Variants in HS6ST1 observed in about 807,000 individuals in gnomAD.
HS6ST1 encodes the protein heparan-sulfate 6-O-sulfotransferase 1.
Under a neutral mutation model 25.2 loss-of-function variants are expected in HS6ST1, and 3 were observed. The ratio of observed to expected loss-of-function variants is 0.12; its 90% CI spans 0.05 to 0.31. The LOEUF is 0.31. Ranked by LOEUF, HS6ST1 falls within the 10% of genes least tolerant of loss-of-function variation. The probability of loss-of-function intolerance (pLI) is 1.00; values close to 1 mark genes in which losing one functional copy is unlikely to be tolerated. For missense variants in HS6ST1, 310 were observed against 609.6 expected, an observed-to-expected ratio of 0.51 and a Z score of 5.18; for synonymous variants, 204 against 275.1, an observed-to-expected ratio of 0.74 and a Z score of 2.56.
At position 128,268,537 on chromosome 2, in the gene HS6ST1, G is replaced by A; in HGVS notation, c.861C>T (p.Gly287=). ...ACTCGGTCAGGCCGAAGAAGGCCAT[G>A]CCCCGCAGGTTCTTCTTGGCGCTCT... ...LLESAKKNLR[G]MAFFGLTEFQ... The change falls in exon 2 of 2, where the codon GGC becomes GGT. Residue 287 remains glycine, a synonymous_variant. Coordinates refer to ENST00000259241, the MANE Select transcript of HS6ST1 (RefSeq NM_004807.3). 4.4e-6 allele frequency: 7 copies of A among 1,602,014 alleles called. No individual in the cohort carries two copies. The highest frequency in any genetic ancestry group is 5.1e-6 in the Non-Finnish European group (6 of 1,173,786).
Position 128,268,129 on chromosome 2 carries a change from C to T in HS6ST1, c.*33G>A, listed in dbSNP as rs1197010962. ...TCTGTCCTGTTTTATCCCCCACACC[C>T]CCCAAGAGGCCTCCCCGTGGCCACC... On this transcript the variant is annotated 3_prime_UTR_variant, in exon 2 of 2. Coordinates refer to ENST00000259241, the MANE Select transcript of HS6ST1 (RefSeq NM_004807.3). The T allele has an allele frequency of 1.9e-5, 29 of 1,500,784 alleles. No homozygotes were observed. Among genetic ancestry groups the T allele is most frequent in the Non-Finnish European group, 2.6e-5 (28 of 1,096,846 alleles). The allele number at this position is 1,500,784 out of a possible 1,614,324, so 93.0% of individuals were successfully genotyped here. A position where few individuals can be genotyped will look rare whatever the true frequency, so the allele number is the denominator to read the frequency against.
At chr2:128,272,723 T>C (rs1693627857) in intron 1 of HS6ST1, among the ~76,000 whole-genome samples, 1 of 151,970 alleles carries the variant, frequency 6.6e-6, no homozygotes, top group East Asian at 1.9e-4. Context: ...TCGGGTTTTT[T>C]GTGTGTGAGC....
At chr2:128,284,816 A>C (rs761710569) in intron 1 of HS6ST1, among the ~76,000 whole-genome samples, 28 of 152,140 alleles carry the variant, frequency 1.8e-4, no homozygotes, top group Non-Finnish European at 3.2e-4. Context: ...GGGCTGACTG[A>C]GCCCCTGAGA....
chr2:128,307,329 A>G (rs840893), intron 1 of HS6ST1, among the ~76,000 whole-genome samples: 6,625 of 152,232 alleles, frequency 0.044, 480 homozygotes, highest in African/African-American at 0.15. Flanking sequence ...ACAAGCCCCC[A>G]GCTGAGCTCT....
intron 1 of HS6ST1, among the ~76,000 whole-genome samples, chr2:128,279,884 C>G (rs151066001): frequency 6.6e-6 from 1 of 152,180 alleles, no homozygotes; most frequent in Non-Finnish European, 1.5e-5. Context: ...CGTGAGCACC[C>G]GGCCACACTC....
chr2:128,309,475 T>C (rs1176345501), intron 1 of HS6ST1, among the ~76,000 whole-genome samples: 1 of 152,236 alleles, frequency 6.6e-6, no homozygotes. Flanking sequence ...GGACCAGGCC[T>C]GCCCCAGCAG....
At chr2:128,289,300 C>G (rs978332796) in intron 1 of HS6ST1, among the ~76,000 whole-genome samples, 1 of 151,932 alleles carries the variant, frequency 6.6e-6, no homozygotes, top group Admixed American at 6.5e-5. Flanking sequence ...CATTTTATGG[C>G]CCCCCATCAA....
intron 1 of HS6ST1, among the ~76,000 whole-genome samples, chr2:128,316,673 C>T (rs1348891933): frequency 1.3e-5 from 2 of 152,076 alleles, no homozygotes; most frequent in African/African-American, 4.8e-5. Context: ...AACATCACCT[C>T]CCAGGCTGGG....
At chr2:128,312,050 G>T (rs570631328) in intron 1 of HS6ST1, among the ~76,000 whole-genome samples, 2 of 152,364 alleles carry the variant, frequency 1.3e-5, no homozygotes, top group African/African-American at 4.8e-5. Flanking sequence ...AGGCTGCCAG[G>T]TGTCTTCCAG....
chr2:128,271,723 T>G (rs1045928229), intron 1 of HS6ST1, among the ~76,000 whole-genome samples: 1 of 152,170 alleles, frequency 6.6e-6, no homozygotes, highest in African/African-American at 2.4e-5. Context: ...CACTCAAAGC[T>G]GGGGTTGCCA....
chr2:128,273,018 C>T (rs1345118507), intron 1 of HS6ST1, among the ~76,000 whole-genome samples: 1 of 152,236 alleles, frequency 6.6e-6, no homozygotes, highest in East Asian at 1.9e-4. Context: ...CTGTCAGCCT[C>T]ACCTGTCCTT....
At chr2:128,296,316 A>C (rs1694039270) in intron 1 of HS6ST1, among the ~76,000 whole-genome samples, 1 of 152,260 alleles carries the variant, frequency 6.6e-6, no homozygotes, top group South Asian at 2.1e-4. Flanking sequence ...AAAGATGTCT[A>C]CTTTTGCCAC....
chr2:128,273,789 G>A (rs948090057), intron 1 of HS6ST1, among the ~76,000 whole-genome samples: 12 of 152,236 alleles, frequency 7.9e-5, no homozygotes, highest in African/African-American at 2.2e-4. Context: ...GCCAAAAGGC[G>A]GGGTGGAGGT....
At chr2:128,312,066 G>A (rs780330063) in intron 1 of HS6ST1, among the ~76,000 whole-genome samples, 6 of 152,234 alleles carry the variant, frequency 3.9e-5, no homozygotes, top group Non-Finnish European at 2.9e-5. Context: ...TCCAGTAAAC[G>A]CAACGACACA....
chr2:128,307,674 C>T lies in HS6ST1; in HGVS notation c.527+10363G>A, dbSNP rs148933340. The stretch of plus-strand genomic sequence containing the variant: ...TGACCGATAAACACATGGTAAGATG[C>T]TATCTCTCTGCCATGGGGAAACATG... On this transcript the variant is annotated intron_variant, in intron 1 of 1. Transcript: ENST00000259241. Among the ~76,000 whole-genome samples the T allele has an allele frequency of 2.5e-3, 385 of 152,320 alleles. 1 individual carries two copies. The highest frequency in any genetic ancestry group is 8.6e-3 in the African/African-American group (358 of 41,562).
At chr2:128,269,180 C>T (rs902656895) in intron 1 of HS6ST1, among the ~76,000 whole-genome samples, 1 of 152,222 alleles carries the variant, frequency 6.6e-6, no homozygotes, top group African/African-American at 2.4e-5. Context: ...AGAGAAGTCG[C>T]AGAGCCACAG....
At position 128,318,835 on chromosome 2, in the gene HS6ST1, C is replaced by A. The variant is rs1427003322; in HGVS notation, c.-272G>T. ...GCGCTCTCCGCGCCCCCAGCACCAGCCCGCTCCGCTCCACTCCGCGCCGAG... is the reference window on the plus strand; with the variant it reads ...GCGCTCTCCGCGCCCCCAGCACCAGACCGCTCCGCTCCACTCCGCGCCGAG... On this transcript the variant is annotated 5_prime_UTR_variant, in exon 1 of 2. Transcript: ENST00000259241. The surrounding 1 kb of genome is among the most constrained non-coding windows in gnomAD (Gnocchi z 5.7). Among the ~76,000 whole-genome samples the A allele has an allele frequency of 6.8e-6, 1 of 147,896 alleles. No individual in the cohort carries two copies.
chr2:128,291,120 T>C (rs890781596), intron 1 of HS6ST1, among the ~76,000 whole-genome samples: 1 of 152,256 alleles, frequency 6.6e-6, no homozygotes, highest in African/African-American at 2.4e-5. Context: ...AAGGCAATTC[T>C]GCATGTACTG....
At chr2:128,283,631 C>T (rs1444675409) in intron 1 of HS6ST1, among the ~76,000 whole-genome samples, 1 of 152,198 alleles carries the variant, frequency 6.6e-6, no homozygotes, top group East Asian at 1.9e-4. Flanking sequence ...TGTCCTGGTC[C>T]TCGTGAGCAT....
Sources: allele counts gnomAD v4.1 joint callset (sites outside exome capture counted in the v4.1 genomes callset), GRCh38; gene constraint gnomAD v4.1.1; non-coding constraint Gnocchi (gnomAD v3.1); transcripts MANE v1.5; gene names NCBI Gene and HGNC (gene_info 2026-07-23, HGNC 2026-07-21).